The following CCSER1 variants were observed in gnomAD, a reference collection of about 807,000 sequenced individuals.
CCSER1 encodes the protein coiled-coil serine rich protein 1.
Under a neutral mutation model 82.0 loss-of-function variants are expected in CCSER1, and 41 were observed. The ratio of observed to expected loss-of-function variants is 0.50; its 90% CI spans 0.39 to 0.65. CCSER1 has a LOEUF of 0.65. Among genes scored for constraint, CCSER1 ranks in the 30% least tolerant of loss-of-function variants. CCSER1 has a pLI of 0.00. For synonymous variants in CCSER1, 414 were observed against 383.9 expected (o/e 1.08, Z -0.92); for missense variants, 1,119 against 1,064.2 (o/e 1.05, Z -0.72).
chr4:90,303,391 C>T (rs1353584121), intron 1 of CCSER1, among the ~76,000 whole-genome samples: 1 of 152,088 alleles, frequency 6.6e-6, no homozygotes, highest in Non-Finnish European at 1.5e-5. Context: ...CACTACCTGA[C>T]TTCAAACTAT....
intron 10 of CCSER1, among the ~76,000 whole-genome samples, chr4:91,267,015 G>A (rs144660949): frequency 4.6e-5 from 7 of 152,202 alleles, no homozygotes; most frequent in South Asian, 2.1e-4. Flanking sequence ...AGATTTAACC[G>A]GTCAAGACAA....
chr4:91,281,730 T>C (rs575700037), intron 10 of CCSER1, among the ~76,000 whole-genome samples: 136 of 152,328 alleles, frequency 8.9e-4, no homozygotes, highest in African/African-American at 3.2e-3. Context: ...GTTTTTGATA[T>C]TAGGAGACTA....
intron 5 of CCSER1, among the ~76,000 whole-genome samples, chr4:90,615,012 A>G (rs781508524): frequency 2.0e-5 from 3 of 152,172 alleles, no homozygotes; most frequent in Non-Finnish European, 4.4e-5. Flanking sequence ...TTTATTTCCC[A>G]TTCTGAAAAT....
At chr4:90,869,842 A>T (rs572572462) in intron 8 of CCSER1, among the ~76,000 whole-genome samples, 7 of 151,938 alleles carry the variant, frequency 4.6e-5, no homozygotes, top group Non-Finnish European at 8.8e-5. Flanking sequence ...ATGGACATGG[A>T]ATATCTTTTC....
intron 10 of CCSER1, among the ~76,000 whole-genome samples, chr4:91,205,620 C>A (rs1158974455): frequency 6.6e-6 from 1 of 150,884 alleles, no homozygotes; most frequent in Admixed American, 6.6e-5. Flanking sequence ...TTCCTTCCTC[C>A]TTCCCTCCCT....
intron 9 of CCSER1, among the ~76,000 whole-genome samples, chr4:91,010,024 T>C (rs953996099): frequency 1.3e-5 from 2 of 152,182 alleles, no homozygotes; most frequent in Non-Finnish European, 2.9e-5. Context: ...ATGTTATATC[T>C]AGTGTTCTTT....
At chr4:90,918,899 C>A (rs1727941013) in intron 8 of CCSER1, among the ~76,000 whole-genome samples, 1 of 151,570 alleles carries the variant, frequency 6.6e-6, no homozygotes, top group Non-Finnish European at 1.5e-5. Flanking sequence ...GCCTTTTCAA[C>A]ATTTAGTTTT....
intron 10 of CCSER1, among the ~76,000 whole-genome samples, chr4:91,142,303 C>T (rs1274938149): frequency 6.6e-6 from 1 of 152,182 alleles, no homozygotes; most frequent in Non-Finnish European, 1.5e-5. Context: ...CTGTCTCTTG[C>T]TTTCTGCCAT....
chr4:90,436,220 GATCATGTCTTGATTAATGGTGTTATTA>G (rs1206597728), intron 4 of CCSER1, among the ~76,000 whole-genome samples: 3 of 152,098 alleles, frequency 2.0e-5, no homozygotes, highest in Non-Finnish European at 4.4e-5. Context: ...TTAAGTGAGA[GATCATGTCTTGATTAATGGTGTTATTA>G]ATCATGAATA....
chr4:90,723,929 C>G lies in CCSER1; in HGVS notation c.1948C>G (p.Pro650Ala). 1 of 1,576,852 alleles carries G rather than the reference C, an allele frequency of 6.3e-7. No homozygotes were observed. The highest frequency in any genetic ancestry group is 1.2e-5 in the South Asian group (1 of 84,740). The change falls in exon 7 of 11, where the codon CCA becomes GCA. Residue 650 changes from proline (P) to alanine (A), a missense_variant. Coordinates refer to ENST00000509176, the MANE Select transcript of CCSER1 (RefSeq NM_001145065.2). ...RVLQESADMS[P>A]ASSTTSLPVS... ...GTCCTTGCAGAGTGCAGACATGAGTCCAGCAAGCAGTACCACGTCACTTCC... is the reference window on the plus strand; with the variant it reads ...GTCCTTGCAGAGTGCAGACATGAGTGCAGCAAGCAGTACCACGTCACTTCC...
intron 7 of CCSER1, among the ~76,000 whole-genome samples, chr4:90,772,129 A>G (rs1186819462): frequency 6.6e-6 from 1 of 152,212 alleles, no homozygotes; most frequent in East Asian, 1.9e-4. Flanking sequence ...AATTTTTCAG[A>G]AAGCATGTAA....
intron 5 of CCSER1, among the ~76,000 whole-genome samples, chr4:90,568,323 C>T (rs997474461): frequency 4.6e-5 from 7 of 152,084 alleles, no homozygotes; most frequent in South Asian, 2.1e-4. Flanking sequence ...TGTTAACATT[C>T]GCTTTATATG....
intron 9 of CCSER1, among the ~76,000 whole-genome samples, chr4:90,970,755 A>T (rs920052628): frequency 6.6e-5 from 10 of 152,002 alleles, no homozygotes; most frequent in Non-Finnish European, 1.0e-4. Context: ...CCACAATGGT[A>T]TTAAACTAGA....
chr4:91,427,956 CA>C (rs1754089863), intron 10 of CCSER1, among the ~76,000 whole-genome samples: 2 of 151,966 alleles, frequency 1.3e-5, no homozygotes, highest in Non-Finnish European at 2.9e-5. Flanking sequence ...GCTCCTAATA[CA>C]AAGTCCCAAT....
intron 4 of CCSER1, among the ~76,000 whole-genome samples, chr4:90,428,190 C>T (rs1480420586): frequency 6.6e-6 from 1 of 151,884 alleles, no homozygotes; most frequent in Non-Finnish European, 1.5e-5. Flanking sequence ...AAAGCTGAAT[C>T]TGTCCTTTTT....
At chr4:91,552,624 A>G (rs1762209263) in intron 10 of CCSER1, among the ~76,000 whole-genome samples, 1 of 151,756 alleles carries the variant, frequency 6.6e-6, no homozygotes, top group East Asian at 1.9e-4. Context: ...TGGAAGATGT[A>G]TAAGTGGAAT....
chr4:90,715,118 A>G (rs569537684), intron 6 of CCSER1, among the ~76,000 whole-genome samples: 4 of 152,094 alleles, frequency 2.6e-5, no homozygotes, highest in Non-Finnish European at 4.4e-5. Flanking sequence ...GTGGTTTCTG[A>G]GTGATTCTGT....
chr4:90,346,730 A>G (rs1043774712), intron 3 of CCSER1, among the ~76,000 whole-genome samples: 2 of 152,178 alleles, frequency 1.3e-5, no homozygotes, highest in African/African-American at 2.4e-5. Flanking sequence ...TTGTATGTAC[A>G]TAAGTACTGG....
chr4:91,017,417 T>C (rs564315079), intron 9 of CCSER1: 1 of 152,292 alleles, frequency 6.6e-6, no homozygotes, highest in East Asian at 1.9e-4. Context: ...TTTTTTTAAC[T>C]TCTATTTTTA....
Sources: allele counts gnomAD v4.1 joint callset (sites outside exome capture counted in the v4.1 genomes callset), GRCh38; gene constraint gnomAD v4.1.1; transcripts MANE v1.5; gene names NCBI Gene and HGNC (gene_info 2026-07-23, HGNC 2026-07-21).